PLGRKT: variants seen among roughly 807,000 people sequenced by gnomAD.
PLGRKT encodes the protein plasminogen receptor with a C-terminal lysine.
Under a neutral mutation model 18.5 loss-of-function variants are expected in PLGRKT, and 22 were observed. The ratio of observed to expected loss-of-function variants is 1.19; its 90% CI spans 0.85 to 1.70. PLGRKT has a LOEUF of 1.70. PLGRKT is among the 40% of genes most tolerant of loss of function. PLGRKT has a pLI of 0.00. For missense variants in PLGRKT, 235 were observed against 174.4 expected (o/e 1.35, Z -1.96); for synonymous variants, 72 against 52.8 (o/e 1.36, Z -1.58).
intron 3 of PLGRKT, among the ~76,000 whole-genome samples, chr9:5,380,331 C>T (rs1480984233): frequency 1.3e-5 from 2 of 148,850 alleles, no homozygotes; most frequent in African/African-American, 5.0e-5. Context: ...TGCGCCACTG[C>T]ACTCCAGCCT....
At chr9:5,409,159 T>C (rs1818312968) in intron 3 of PLGRKT, among the ~76,000 whole-genome samples, 1 of 152,212 alleles carries the variant, frequency 6.6e-6, no homozygotes, top group African/African-American at 2.4e-5. Flanking sequence ...GGCACTGTGA[T>C]GGTTAATACT....
At chr9:5,369,486 T>C (rs931817960) in intron 3 of PLGRKT, among the ~76,000 whole-genome samples, 6 of 152,156 alleles carry the variant, frequency 3.9e-5, no homozygotes, top group Non-Finnish European at 5.9e-5. Context: ...GTTTACACTG[T>C]TGTGGGAGTG....
intron 5 of PLGRKT, among the ~76,000 whole-genome samples, chr9:5,359,575 C>A (rs770631699): frequency 1.3e-5 from 2 of 152,140 alleles, no homozygotes; most frequent in Non-Finnish European, 2.9e-5. Context: ...AAATTCTCAT[C>A]ATGTGTTAAA....
chr9:5,394,023 C>G (rs1485925443), intron 3 of PLGRKT, among the ~76,000 whole-genome samples: 2 of 151,808 alleles, frequency 1.3e-5, no homozygotes, highest in African/African-American at 2.4e-5. Context: ...AAATGACCAT[C>G]TCCCTAGCCC....
At chr9:5,424,430 ATAT>A (rs1323072574) in intron 3 of PLGRKT, among the ~76,000 whole-genome samples, 4 of 108,558 alleles carry the variant, frequency 3.7e-5, no homozygotes, top group Admixed American at 3.1e-4. Flanking sequence ...AATATATAAC[ATAT>A]TATAAAATAT....
At chr9:5,434,518 C>T (rs1429981804) in intron 2 of PLGRKT, among the ~76,000 whole-genome samples, 3 of 148,248 alleles carry the variant, frequency 2.0e-5, no homozygotes, top group South Asian at 4.3e-4. Context: ...CACCTCTGCC[C>T]GGCTGCTCTT....
intron 3 of PLGRKT, among the ~76,000 whole-genome samples, chr9:5,414,476 T>C (rs958148140): frequency 3.3e-5 from 5 of 152,208 alleles, no homozygotes; most frequent in East Asian, 1.9e-4. Context: ...ATCTTTTTTA[T>C]ATAGCTTTGA....
chr9:5,365,858 T>C (rs1319119673), intron 3 of PLGRKT, among the ~76,000 whole-genome samples: 2 of 152,126 alleles, frequency 1.3e-5, no homozygotes, highest in African/African-American at 2.4e-5. Context: ...TGAACAAATA[T>C]TATATTCTGA....
intron 3 of PLGRKT, among the ~76,000 whole-genome samples, chr9:5,373,619 G>C (rs1817570688): frequency 6.6e-6 from 1 of 152,058 alleles, no homozygotes; most frequent in South Asian, 2.1e-4. Context: ...GGGCAACATA[G>C]TGTGACTCTG....
At chr9:5,424,691 TAC>T (rs1554634194) in intron 3 of PLGRKT, among the ~76,000 whole-genome samples, 16 of 70,470 alleles carry the variant, frequency 2.3e-4, no homozygotes, top group Admixed American at 5.8e-4. Flanking sequence ...TATATATATA[TAC>T]ACACAGGGGG....
At chr9:5,427,454 C>T (rs1013699996) in intron 3 of PLGRKT, among the ~76,000 whole-genome samples, 1 of 152,100 alleles carries the variant, frequency 6.6e-6, no homozygotes, top group Non-Finnish European at 1.5e-5. Flanking sequence ...TTAAGATCTA[C>T]AGTACGATAT....
At chr9:5,363,489 G>T (rs1015908773) in intron 3 of PLGRKT, among the ~76,000 whole-genome samples, 2 of 152,114 alleles carry the variant, frequency 1.3e-5, no homozygotes, top group Non-Finnish European at 2.9e-5. Flanking sequence ...TCCAGCTGAT[G>T]TGAGAACCTT....
At chr9:5,372,834 A>G (rs1586706075) in intron 3 of PLGRKT, among the ~76,000 whole-genome samples, 1 of 152,276 alleles carries the variant, frequency 6.6e-6, no homozygotes, top group East Asian at 1.9e-4. Context: ...GCTATTAGGG[A>G]GTTGGAATGG....
intron 3 of PLGRKT, among the ~76,000 whole-genome samples, chr9:5,416,082 C>T (rs1818453864): frequency 6.6e-6 from 1 of 152,050 alleles, no homozygotes; most frequent in Admixed American, 6.5e-5. Flanking sequence ...TTGAACTCTC[C>T]ATGTTTTGCA....
chr9:5,394,348 G>A (rs1313397419), intron 3 of PLGRKT, among the ~76,000 whole-genome samples: 2 of 151,864 alleles, frequency 1.3e-5, no homozygotes, highest in Non-Finnish European at 2.9e-5. Flanking sequence ...GGGAAATGAA[G>A]AACGAGGGAG....
Position 5,361,926 on chromosome 9 carries a change from C to G in PLGRKT, c.82-38G>C, listed in dbSNP as rs1387104098. 1.9e-6 allele frequency: 3 copies of G among 1,585,412 alleles called. No homozygotes were observed. The African/African-American group carries it at 4.1e-5, about 21-fold the overall frequency. On this transcript the variant is annotated intron_variant, in intron 3 of 5. Transcript: ENST00000223864. ...CAAAAGACAAAGTAAAGTTACTCATCTTTGGAATCTGAACAAATAGTTAAT... is the reference window on the plus strand; with the variant it reads ...CAAAAGACAAAGTAAAGTTACTCATGTTTGGAATCTGAACAAATAGTTAAT...
Position 5,418,831 on chromosome 9 carries a change from C to T in PLGRKT, c.81+13066G>A, listed in dbSNP as rs560981177. ...GGTGACACCGCTGCACCAGGGGCAT[C>T]GCACATCCTTCTGGCTGGTCCTCGT... On this transcript the variant is annotated intron_variant, in intron 3 of 5. Coordinates refer to ENST00000223864, the MANE Select transcript of PLGRKT (RefSeq NM_018465.4). The surrounding 1 kb of genome is among the most constrained non-coding windows in gnomAD (Gnocchi z 4.2). The T allele has an allele frequency of 2.8e-5, 29 of 1,028,584 alleles. No homozygotes were observed. The East Asian group carries it at 6.0e-4, about 21-fold the overall frequency. 63.7% of individuals were successfully genotyped at this position (1,028,584 alleles called of 1,614,324 possible).
At position 5,436,681 on chromosome 9, in the gene PLGRKT, A is replaced by G. The variant is rs1818966219; in HGVS notation, c.-119T>C. On this transcript the variant is annotated 5_prime_UTR_variant, in exon 2 of 6. Coordinates refer to ENST00000223864, the MANE Select transcript of PLGRKT (RefSeq NM_018465.4). ...GCCAAGCAGGAAGAAGAGCTTCCTT[A>G]TGGGAAACCACACCTGAGAATAAAT... 1 of 152,246 alleles carries G rather than the reference A, an allele frequency of 6.6e-6. No individual in the cohort carries two copies. Among genetic ancestry groups the G allele is most frequent in the African/African-American group, 2.4e-5 (1 of 41,454 alleles). 9.4% of individuals were successfully genotyped at this position (152,246 alleles called of 1,614,324 possible).
At chr9:5,436,950 A>C (rs1818972241) in intron 1 of PLGRKT, among the ~76,000 whole-genome samples, 1 of 152,142 alleles carries the variant, frequency 6.6e-6, no homozygotes, top group Non-Finnish European at 1.5e-5. Context: ...TCTTTTAAAA[A>C]TTCTAACACT....
Sources: gnomAD v4.1 joint callset for allele counts (sites outside exome capture counted in the v4.1 genomes callset) on GRCh38, gnomAD v4.1.1 for gene constraint, Gnocchi (gnomAD v3.1) non-coding constraint, MANE v1.5 for transcripts, NCBI Gene and HGNC (gene_info 2026-07-23, HGNC 2026-07-21) for gene names.